The following PTPRT variants were observed in gnomAD, a reference collection of about 807,000 sequenced individuals.
PTPRT encodes the protein protein tyrosine phosphatase receptor type T, also known as receptor-type tyrosine-protein phosphatase T.
A neutral mutation model predicts 176.8 loss-of-function variants in PTPRT; 56 were observed. That is an observed-to-expected ratio of 0.32 (90% CI 0.26 to 0.40). The LOEUF (loss-of-function observed/expected upper bound fraction) is 0.40, where lower values mean the gene tolerates loss of function less well. Ranked by LOEUF, PTPRT falls within the 10% of genes least tolerant of loss-of-function variation. The pLI, the probability that PTPRT is intolerant of heterozygous loss-of-function variation, is 1.00. For synonymous variants in PTPRT, 783 were observed against 739.0 expected (o/e 1.06, Z -0.96); for missense variants, 1,540 against 1,908.2 (o/e 0.81, Z 3.60).
chr20:43,003,279 T>C (rs1227735205), intron 1 of PTPRT, among the ~76,000 whole-genome samples: 1 of 152,164 alleles, frequency 6.6e-6, no homozygotes, highest in African/African-American at 2.4e-5. Context: ...GTCTACCAAC[T>C]GGGCTCAAGC....
chr20:42,143,696 C>A (rs768754099), intron 17 of PTPRT, among the ~76,000 whole-genome samples: 1 of 152,036 alleles, frequency 6.6e-6, no homozygotes, highest in Non-Finnish European at 1.5e-5. Context: ...TGGGTTGCCT[C>A]GGAAGCAGAC....
At position 42,073,965 on chromosome 20, in the gene PTPRT, G is replaced by A. The variant is rs1340792227; in HGVS notation, c.*6914C>T. The A allele has an allele frequency of 4.3e-6, 1 of 230,384 alleles. No individual in the cohort carries two copies. The highest frequency in any genetic ancestry group is 8.6e-6 in the Non-Finnish European group (1 of 116,310). The allele number at this position is 230,384 out of a possible 1,614,324, so 14.3% of individuals were successfully genotyped here. On this transcript the variant is annotated 3_prime_UTR_variant, in exon 31 of 31. Coordinates refer to ENST00000373187, the MANE Select transcript of PTPRT (RefSeq NM_007050.6). Reference sequence around the variant, plus strand: ...GCTTATCCTCTCTGGCAGACAGCAGGTTCTTCCTTACAGCTATTAAGTTTC... The same window carrying A: ...GCTTATCCTCTCTGGCAGACAGCAGATTCTTCCTTACAGCTATTAAGTTTC...
intron 2 of PTPRT, among the ~76,000 whole-genome samples, chr20:42,864,408 G>GT (rs1240637845): frequency 6.6e-6 from 1 of 152,174 alleles, no homozygotes; most frequent in African/African-American, 2.4e-5. Flanking sequence ...CAGTACACAG[G>GT]TTACCAAGGC....
chr20:43,051,650 T>G (rs982684369), intron 1 of PTPRT, among the ~76,000 whole-genome samples: 1 of 89,398 alleles, frequency 1.1e-5, no homozygotes, highest in African/African-American at 7.6e-5. Flanking sequence ...AAAAAAAAAA[T>G]CTACATTATT....
chr20:42,103,246 C>T (rs545644106), intron 25 of PTPRT, among the ~76,000 whole-genome samples: 6 of 152,292 alleles, frequency 3.9e-5, no homozygotes, highest in South Asian at 2.1e-4. Context: ...CAGCTCTGAC[C>T]GCATGGGCTT....
At chr20:42,942,113 G>C (rs970633895) in intron 1 of PTPRT, among the ~76,000 whole-genome samples, 54 of 152,274 alleles carry the variant, frequency 3.5e-4, no homozygotes, top group Admixed American at 2.0e-3. Flanking sequence ...TGAAATACAG[G>C]CCACCCAGGG....
intron 7 of PTPRT, among the ~76,000 whole-genome samples, chr20:42,525,181 T>A (rs1003479614): frequency 6.6e-6 from 1 of 151,972 alleles, no homozygotes; most frequent in Non-Finnish European, 1.5e-5. Context: ...AGAGAGGAGG[T>A]CTCCCTATGT....
chr20:42,403,416 A>G (rs2058930589), intron 9 of PTPRT, among the ~76,000 whole-genome samples: 1 of 152,208 alleles, frequency 6.6e-6, no homozygotes, highest in Non-Finnish European at 1.5e-5. Context: ...TGTTAAGCAT[A>G]TCACAGATAA....
intron 2 of PTPRT, among the ~76,000 whole-genome samples, chr20:42,877,458 T>A (rs2078952132): frequency 6.6e-6 from 1 of 151,818 alleles, no homozygotes; most frequent in African/African-American, 2.4e-5. Flanking sequence ...AGAAACAGGG[T>A]TGGAGACTGG....
At chr20:42,821,438 A>C (rs2077891883) in intron 2 of PTPRT, among the ~76,000 whole-genome samples, 1 of 152,194 alleles carries the variant, frequency 6.6e-6, no homozygotes, top group Non-Finnish European at 1.5e-5. Context: ...ATTTATGACA[A>C]ACCCACAGCC....
intron 7 of PTPRT, among the ~76,000 whole-genome samples, chr20:42,496,534 C>T (rs1388359657): frequency 6.6e-6 from 1 of 152,058 alleles, no homozygotes; most frequent in Non-Finnish European, 1.5e-5. Flanking sequence ...CAGAAGAGCT[C>T]ATCTCTAACA....
chr20:42,769,606 T>C (rs908856030), intron 5 of PTPRT, among the ~76,000 whole-genome samples: 2 of 152,138 alleles, frequency 1.3e-5, no homozygotes, highest in African/African-American at 4.8e-5. Context: ...GACCCTGCCA[T>C]TCCACTTCTA....
At chr20:42,219,910 C>T (rs926733940) in intron 15 of PTPRT, among the ~76,000 whole-genome samples, 1 of 152,148 alleles carries the variant, frequency 6.6e-6, no homozygotes, top group Non-Finnish European at 1.5e-5. Context: ...TCACATGTAG[C>T]ACATATTGGG....
chr20:42,882,859 C>A (rs527631540), intron 2 of PTPRT, among the ~76,000 whole-genome samples: 2 of 152,326 alleles, frequency 1.3e-5, no homozygotes, highest in East Asian at 1.9e-4. Flanking sequence ...AGAATGCTGA[C>A]CCAGACTGAG....
At chr20:42,034,176 T>G in the PTPRT span, among the ~76,000 whole-genome samples, 1 of 152,138 alleles carries the variant, frequency 6.6e-6, no homozygotes, top group African/African-American at 2.4e-5. Context: ...TGAATGAGAC[T>G]GCAGTCTCAC....
intron 6 of PTPRT, among the ~76,000 whole-genome samples, chr20:42,746,508 C>T (rs2076693042): frequency 1.3e-5 from 2 of 151,934 alleles, no homozygotes; most frequent in Admixed American, 1.3e-4. Flanking sequence ...ATTATTATTC[C>T]AATTAGGCAG....
chr20:42,317,503 T>A (rs1457314080), intron 11 of PTPRT, among the ~76,000 whole-genome samples: 1 of 152,176 alleles, frequency 6.6e-6, no homozygotes, highest in African/African-American at 2.4e-5. Flanking sequence ...CTTCTGTGAA[T>A]TAATGAGGTG....
intron 15 of PTPRT, among the ~76,000 whole-genome samples, chr20:42,221,638 GC>G (rs2055888876): frequency 1.3e-5 from 2 of 151,808 alleles, no homozygotes; most frequent in Admixed American, 1.3e-4. Context: ...TCATGCCTCA[GC>G]CTCCCAAGTA....
At chr20:43,034,883 C>T (rs977342180) in intron 1 of PTPRT, among the ~76,000 whole-genome samples, 1 of 151,916 alleles carries the variant, frequency 6.6e-6, no homozygotes, top group Non-Finnish European at 1.5e-5. Flanking sequence ...TCTGTCCCCA[C>T]AACGCCTGCC....
Sources: allele counts gnomAD v4.1 joint callset (sites outside exome capture counted in the v4.1 genomes callset), GRCh38; gene constraint gnomAD v4.1.1; transcripts MANE v1.5; gene names NCBI Gene and HGNC (gene_info 2026-07-23, HGNC 2026-07-21).